The following CDH4 variants were observed in gnomAD, a reference collection of about 807,000 sequenced individuals.
The protein encoded by CDH4 is cadherin-4.
CDH4 carries 33 observed loss-of-function variants against 86.0 expected under a neutral mutation model. The ratio of observed to expected loss-of-function variants is 0.38; its 90% CI spans 0.29 to 0.51. The LOEUF (loss-of-function observed/expected upper bound fraction) is 0.51. Ranked by LOEUF, CDH4 falls within the 20% of genes least tolerant of loss-of-function variation. The probability of loss-of-function intolerance (pLI) is 0.86; values close to 1 mark genes in which losing one functional copy is unlikely to be tolerated. For missense variants in CDH4, 1,114 were observed against 1,307.4 expected (o/e 0.85, Z 2.28); for synonymous variants, 555 against 549.4 (o/e 1.01, Z -0.14).
chr20:61,560,712 G>A (rs992732497), intron 2 of CDH4, among the ~76,000 whole-genome samples: 6 of 152,244 alleles, frequency 3.9e-5, no homozygotes, highest in African/African-American at 1.2e-4. Context: ...TTCCAGGAAC[G>A]TGAGCCATCC....
intron 2 of CDH4, among the ~76,000 whole-genome samples, chr20:61,337,298 ATGATAATGATGGTGATAATAATGATGG>A (rs796659793): frequency 1.2e-3 from 24 of 20,070 alleles, no homozygotes; most frequent in Non-Finnish European, 1.5e-3. Flanking sequence ...ACTAATGGTG[ATGATAATGATGGTGATAATAATGATGG>A]TGATGATAAT....
At chr20:61,692,139 A>C (rs999715971) in intron 2 of CDH4, among the ~76,000 whole-genome samples, 4 of 144,084 alleles carry the variant, frequency 2.8e-5, no homozygotes, top group African/African-American at 1.1e-4. Context: ...GTGTGTCTGT[A>C]TGTATGTGTG....
chr20:61,517,656 C>T lies in CDH4; in HGVS notation c.170-225907C>T, dbSNP rs537744742. 2.0e-5 allele frequency among the ~76,000 whole-genome samples: 3 copies of T among 151,966 alleles called. No individual in the cohort carries two copies. Among genetic ancestry groups the T allele is most frequent in the South Asian group, 2.1e-4 (1 of 4,808 alleles). On this transcript the variant is annotated intron_variant, in intron 2 of 15. Transcript: ENST00000614565. The surrounding 1 kb of genome is among the most constrained non-coding windows in gnomAD (Gnocchi z 6.6). The stretch of plus-strand genomic sequence containing the variant: ...TGCAAAGTGAGGAGAATGACGGCAG[C>T]GCCGCTGTAGGACCATGGAGGGAAT...
At chr20:61,798,349 G>A (rs1402763916) in intron 4 of CDH4, among the ~76,000 whole-genome samples, 2 of 152,198 alleles carry the variant, frequency 1.3e-5, no homozygotes, top group South Asian at 2.1e-4. Context: ...GGCCCCACGG[G>A]CCTCCACACT....
At chr20:61,916,394 G>A (rs1196671859) in intron 9 of CDH4, among the ~76,000 whole-genome samples, 1 of 152,260 alleles carries the variant, frequency 6.6e-6, no homozygotes, top group Admixed American at 6.5e-5. Context: ...GATGCAAATT[G>A]TGGGGCCTAT....
At chr20:61,264,809 G>A (rs1377271803) in intron 2 of CDH4, among the ~76,000 whole-genome samples, 3 of 128,834 alleles carry the variant, frequency 2.3e-5, no homozygotes, top group African/African-American at 6.2e-5. Context: ...CCTTCATTCA[G>A]TCCTACACAT....
At chr20:61,301,303 C>T (rs2084384963) in intron 2 of CDH4, among the ~76,000 whole-genome samples, 1 of 152,256 alleles carries the variant, frequency 6.6e-6, no homozygotes. Context: ...GGGGCCTTTA[C>T]ATTTTGTCAG....
chr20:61,399,933 C>A (rs35172717), intron 2 of CDH4, among the ~76,000 whole-genome samples: 233 of 152,304 alleles, frequency 1.5e-3, no homozygotes, highest in Non-Finnish European at 2.7e-3. Flanking sequence ...GGCAACCAAC[C>A]CCCTGGACAG....
At chr20:61,576,465 A>T (rs1044338686) in intron 2 of CDH4, among the ~76,000 whole-genome samples, 7 of 152,168 alleles carry the variant, frequency 4.6e-5, no homozygotes, top group African/African-American at 1.7e-4. Flanking sequence ...AACCAAGCTG[A>T]TTACCCATCT....
At chr20:61,666,733 C>A (rs187846684) in intron 2 of CDH4, among the ~76,000 whole-genome samples, 1 of 152,234 alleles carries the variant, frequency 6.6e-6, no homozygotes, top group African/African-American at 2.4e-5. Context: ...ACACACAGCT[C>A]CTGGCTGACC....
intron 2 of CDH4, among the ~76,000 whole-genome samples, chr20:61,731,926 C>T (rs547019187): frequency 6.6e-6 from 1 of 152,204 alleles, no homozygotes; most frequent in South Asian, 2.1e-4. Context: ...GGTTGCCCCA[C>T]CTGCACGGTC....
At chr20:61,691,616 T>A (rs756254739) in intron 2 of CDH4, among the ~76,000 whole-genome samples, 1 of 152,166 alleles carries the variant, frequency 6.6e-6, no homozygotes, top group Non-Finnish European at 1.5e-5. Context: ...CAAACCTACA[T>A]GGTCCAGCCT....
intron 2 of CDH4, among the ~76,000 whole-genome samples, chr20:61,618,223 G>A (rs1388289867): frequency 6.6e-6 from 1 of 151,988 alleles, no homozygotes. Context: ...TTGTTTTCCG[G>A]AGCCAGTTTC....
At chr20:61,278,593 C>T (rs1483825558) in intron 2 of CDH4, among the ~76,000 whole-genome samples, 1 of 152,232 alleles carries the variant, frequency 6.6e-6, no homozygotes, top group Non-Finnish European at 1.5e-5. Context: ...TGGGAAGTGG[C>T]TCAGCTTCCC....
At position 61,879,453 on chromosome 20, in the gene CDH4, G is replaced by A. The variant is rs1002876496; in HGVS notation, c.1050+5553G>A. Among the ~76,000 whole-genome samples the A allele has an allele frequency of 6.6e-6, 1 of 152,214 alleles. No individual in the cohort carries two copies. The highest frequency in any genetic ancestry group is 2.4e-5 in the African/African-American group (1 of 41,450). ...GGGGAAGCACCAGAGATACTTCTCA[G>A]CACCAGCCTCCATCTGACAGAGTGA... On this transcript the variant is annotated intron_variant, in intron 7 of 15. Coordinates refer to ENST00000614565, the MANE Select transcript of CDH4 (RefSeq NM_001794.5). The surrounding 1 kb of genome is among the most constrained non-coding windows in gnomAD (Gnocchi z 4.1).
chr20:61,765,453 A>G (rs1357771169), intron 3 of CDH4, among the ~76,000 whole-genome samples: 1 of 152,168 alleles, frequency 6.6e-6, no homozygotes, highest in African/African-American at 2.4e-5. Flanking sequence ...TGTCCCAGGA[A>G]AGGTAGCTGA....
rs1414747315 is a variant in CDH4, at chr20:61,823,975, G to T, written c.577-20693G>T. Among the ~76,000 whole-genome samples the T allele has an allele frequency of 2.0e-5, 3 of 152,182 alleles. No homozygotes were observed. In the East Asian group the frequency reaches 5.8e-4, roughly 29 times the overall value. ...AGACAATGTCTTTTGGATAGGTAAG[G>T]AACTGTTGGAGAAAGCAAAGTCACT... On this transcript the variant is annotated intron_variant, in intron 4 of 15. Transcript: ENST00000614565.
chr20:61,790,633 C>G (rs961473120), intron 4 of CDH4, among the ~76,000 whole-genome samples: 3 of 150,948 alleles, frequency 2.0e-5, no homozygotes, highest in African/African-American at 7.3e-5. Context: ...CTCCATTCAT[C>G]TCTCCATCCA....
chr20:61,850,929 G>A (rs1396895276), intron 5 of CDH4, among the ~76,000 whole-genome samples: 2 of 152,376 alleles, frequency 1.3e-5, no homozygotes, highest in African/African-American at 2.4e-5. Context: ...ATCCGCACTC[G>A]CGCTGCTCCC....
Sources: allele counts gnomAD v4.1 joint callset (sites outside exome capture counted in the v4.1 genomes callset), GRCh38; gene constraint gnomAD v4.1.1; non-coding constraint Gnocchi (gnomAD v3.1); transcripts MANE v1.5; gene names NCBI Gene and HGNC (gene_info 2026-07-23, HGNC 2026-07-21).